MASP1: variants seen among roughly 807,000 people sequenced by gnomAD.
MASP1 encodes MBL associated serine protease 1.
A neutral mutation model predicts 77.1 loss-of-function variants in MASP1; 59 were observed. That is an observed-to-expected ratio of 0.77 (90% CI 0.62 to 0.95). MASP1 has a LOEUF of 0.95. Ranked by LOEUF, MASP1 falls within the 40% of genes least tolerant of loss-of-function variation. The pLI, the probability that MASP1 is intolerant of heterozygous loss-of-function variation, is 0.00. For synonymous variants in MASP1, 362 were observed against 354.5 expected (o/e 1.02, Z -0.24); for missense variants, 885 against 912.9 (o/e 0.97, Z 0.39).
In MASP1 at chr3:187,236,558, T is replaced by C; in HGVS notation, c.1313A>G (p.Gln438Arg). Residue 438 changes from glutamine (Q) to arginine (R), a missense_variant, in exon 11 of 11, where the codon CAG (glutamine) becomes CGG (arginine). Transcript: ENST00000296280. ...CAGGCTTGGCAGGGAGCGGGAGGGCTGACCACACTCTGTAAGGAGAAAGAG... is the reference window on the plus strand; with the variant it reads ...CAGGCTTGGCAGGGAGCGGGAGGGCCGACCACACTCTGTAAGGAGAAAGAG... ...SLPTCLPECG[Q>R]PSRSLPSLVK... 6.2e-7 allele frequency: 1 copy of C among 1,613,854 alleles called. No individual in the cohort carries two copies. Among genetic ancestry groups the C allele is most frequent in the Non-Finnish European group, 8.5e-7 (1 of 1,179,922 alleles).
At chr3:187,247,434 G>C in intron 8 of MASP1, 1 of 1,604,286 alleles carries the variant, frequency 6.2e-7, no homozygotes, top group African/African-American at 1.3e-5. Flanking sequence ...ACAGAGGAAG[G>C]AAGCAGAGAG....
chr3:187,251,718 A>T lies in MASP1; in HGVS notation c.927T>A (p.His309Gln), dbSNP rs756010926. The T allele has an allele frequency of 1.2e-6, 2 of 1,614,134 alleles. No homozygotes were observed. Among genetic ancestry groups the T allele is most frequent in the Non-Finnish European group, 1.7e-6 (2 of 1,179,992 alleles). The change falls in exon 7 of 11, where the codon CAT becomes CAA. Residue 309 changes from histidine to glutamine, a missense_variant. By Grantham distance (24) the His-to-Gln change is conservative. Transcript: ENST00000296280. Reference protein sequence around the residue: ...NECPELQPPVHGKIEPSQAKY... With the variant: ...NECPELQPPVQGKIEPSQAKY... ...TGGCTTGGGAGGGCTCGATTTTCCC[A>T]TGGACAGGAGGCTGTAGCTCTGGGC...
At chr3:187,242,654 A>C (rs1713748980) in intron 9 of MASP1, 1 of 152,848 alleles carries the variant, frequency 6.5e-6, no homozygotes, top group African/African-American at 2.4e-5. Context: ...CTATGAGTGC[A>C]TGTGAGCGGG....
intron 1 of MASP1, among the ~76,000 whole-genome samples, chr3:187,288,099 A>G (rs1208101633): frequency 6.6e-6 from 1 of 152,226 alleles, no homozygotes; most frequent in Non-Finnish European, 1.5e-5. Context: ...TTTTTCAATA[A>G]AAAGAAAATA....
At chr3:187,233,828 A>G (rs530332524), downstream of MASP1, among the ~76,000 whole-genome samples, 1 of 152,344 alleles carries the variant, frequency 6.6e-6, no homozygotes, top group African/African-American at 2.4e-5. Flanking sequence ...TTGGGCCTTC[A>G]GGCTCAAGTC....
intron 10 of MASP1, among the ~76,000 whole-genome samples, chr3:187,237,554 G>A (rs1713285607): frequency 6.6e-6 from 1 of 152,244 alleles, no homozygotes; most frequent in South Asian, 2.1e-4. Flanking sequence ...GCACCCAGGA[G>A]CTGTGTAGTA....
In MASP1 at chr3:187,234,882, G is replaced by C. The variant is rs1230676596; in HGVS notation, c.*802C>G. 7.8e-7 allele frequency: 1 copy of C among 1,287,196 alleles called. No individual in the cohort carries two copies. Among genetic ancestry groups the C allele is most frequent in the Admixed American group, 2.3e-5 (1 of 43,552 alleles). The allele number at this position is 1,287,196 out of a possible 1,614,324, so 79.7% of individuals were successfully genotyped here. A position where few individuals can be genotyped will look rare whatever the true frequency, so the allele number is the denominator to read the frequency against. On this transcript the variant is annotated 3_prime_UTR_variant, in exon 11 of 11. Transcript: ENST00000296280. ...TGTGCTTGTCTGGAGCAGCAGGTGT[G>C]GACGCCCATGGTGTCAGCTGGTGTT... is the stretch of plus-strand genomic sequence containing the variant.
chr3:187,282,279 A>G (rs1004339491), intron 2 of MASP1, among the ~76,000 whole-genome samples: 2 of 152,212 alleles, frequency 1.3e-5, no homozygotes. Context: ...TGGGAGGATC[A>G]CGAGGTCAGG....
chr3:187,223,608 C>T (rs1712199688), intron 13 of MASP1, among the ~76,000 whole-genome samples: 1 of 152,140 alleles, frequency 6.6e-6, no homozygotes, highest in Non-Finnish European at 1.5e-5. Flanking sequence ...TGCCTTTAGC[C>T]AGCCCTCCTC....
At chr3:187,283,145 T>C (rs1717572446) in intron 2 of MASP1, among the ~76,000 whole-genome samples, 1 of 152,240 alleles carries the variant, frequency 6.6e-6, no homozygotes, top group South Asian at 2.1e-4. Context: ...AGAGGGCCCA[T>C]GTCCATCTAC....
In MASP1 at chr3:187,279,538, CT is replaced by C. The variant is rs1329141759; in HGVS notation, c.237+6286del. ...AATCCATCTGTGAAATTAATTCAACCTTTGACCACACGTATGTGATTTGGGG... is the reference window on the plus strand; with the variant it reads ...AATCCATCTGTGAAATTAATTCAACCTTGACCACACGTATGTGATTTGGGG... On this transcript the variant is annotated intron_variant, in intron 2 of 10. Coordinates refer to ENST00000296280, the MANE Select transcript of MASP1 (RefSeq NM_139125.4). 5.8e-4 allele frequency among the ~76,000 whole-genome samples: 88 copies of C among 152,332 alleles called. 1 individual carries two copies. Among genetic ancestry groups the C allele is most frequent in the African/African-American group, 1.9e-3 (79 of 41,568 alleles).
exon 16 of MASP1, chr3:187,220,189 T>A: frequency 5.0e-6 from 8 of 1,614,192 alleles, no homozygotes; most frequent in Non-Finnish European, 6.8e-6. Context: ...GCCCACCAGG[T>A]ACCACTGGCC....
chr3:187,268,549 T>TAGAAA (rs10663602), intron 2 of MASP1, among the ~76,000 whole-genome samples: 76,586 of 137,130 alleles, frequency 0.56, 20,110 homozygotes, highest in South Asian at 0.62. Context: ...GAAAAGAAAA[T>TAGAAA]AGAAAAGAAA....
intron 8 of MASP1, chr3:187,244,127 C>T (rs1161345801): frequency 1.1e-5 from 2 of 179,680 alleles, no homozygotes; most frequent in African/African-American, 2.4e-5. Flanking sequence ...AATAAAAAAA[C>T]CCAGCTCCTG....
rs1012792903 is a variant in MASP1 at position 187,251,831 on chromosome 3, G to T, written c.893-79C>A. On this transcript the variant is annotated intron_variant, in intron 6 of 10. Transcript: ENST00000296280. ...AAAGGGCCAGTCCCTAGAAAGCAAG[G>T]CCTGATGAAGGTGAATAAAACATGG... 9.1e-5 allele frequency: 98 copies of T among 1,073,870 alleles called. 1 individual carries two copies. Among genetic ancestry groups the T allele is most frequent in the African/African-American group, 2.5e-4 (16 of 64,698 alleles). 66.5% of individuals were successfully genotyped at this position (1,073,870 alleles called of 1,614,324 possible).
chr3:187,223,148 C>T (rs768987275), exon 14 of MASP1: 2 of 1,614,012 alleles, frequency 1.2e-6, no homozygotes, highest in East Asian at 2.2e-5. Context: ...TCTCTGGGAA[C>T]CTTTGCAAGA....
exon 15 of MASP1, chr3:187,221,055 A>T (rs1385568886): frequency 1.9e-6 from 3 of 1,613,976 alleles, no homozygotes; most frequent in African/African-American, 1.3e-5. Context: ...CCCAGCACAG[A>T]TCATGTCCCT....
chr3:187,288,991 AAATTGAAGAATAT>A lies in MASP1; in HGVS notation c.5+2624_5+2636del, dbSNP rs1406511428. On this transcript the variant is annotated intron_variant, in intron 1 of 10. Coordinates refer to ENST00000296280, the MANE Select transcript of MASP1 (RefSeq NM_139125.4). ...CTTGCCTGCTTGCGTTAGGGGCTGTAAATTGAAGAATATAAGTGGCAGCTTTCATTCCTCGTCA... is the reference window on the plus strand; with the variant it reads ...CTTGCCTGCTTGCGTTAGGGGCTGTAAAGTGGCAGCTTTCATTCCTCGTCA... Among the ~76,000 whole-genome samples the A allele has an allele frequency of 7.9e-5, 12 of 152,328 alleles. No homozygotes were observed. In the East Asian group the frequency reaches 2.3e-3, roughly 29 times the overall value.
intron 8 of MASP1, chr3:187,244,082 C>G (rs1713883302): frequency 1.5e-5 from 3 of 197,112 alleles, no homozygotes; most frequent in Non-Finnish European, 1.1e-5. Flanking sequence ...TGAGTAACAG[C>G]AGCTAATGTG....
Sources: allele counts gnomAD v4.1 joint callset (sites outside exome capture counted in the v4.1 genomes callset), GRCh38; gene constraint gnomAD v4.1.1; transcripts MANE v1.5; gene names NCBI Gene and HGNC (gene_info 2026-07-23, HGNC 2026-07-21).